Variants in VPS13C observed in about 807,000 individuals in gnomAD.
VPS13C encodes intermembrane lipid transfer protein VPS13C.
VPS13C carries 358 observed loss-of-function variants against 456.8 expected under a neutral mutation model. That is an observed-to-expected ratio of 0.78 (90% CI 0.72 to 0.86). The LOEUF is 0.86. Among genes scored for constraint, VPS13C ranks in the 40% least tolerant of loss-of-function variants. VPS13C has a pLI of 0.00. For missense variants in VPS13C, 4,818 were observed against 4,385.4 expected (o/e 1.10, Z -2.79); for synonymous variants, 1,578 against 1,486.7 (o/e 1.06, Z -1.41).
intron 59 of VPS13C, 33 bp from the exon 60 acceptor site, chr15:61,917,668 T>C: frequency 2.5e-6 from 4 of 1,590,456 alleles, no homozygotes; most frequent in East Asian, 2.2e-5. Flanking sequence ...CAATAAAGTT[T>C]TGATCCACAA....
At position 61,967,444 on chromosome 15, in the gene VPS13C, G is replaced by C. The variant is rs758825060; in HGVS notation, c.2915C>G (p.Ser972Cys). The change falls in exon 29 of 85, where the codon TCC becomes TGC. Residue 972 changes from serine to cysteine, a missense_variant. Physicochemically the swap from Ser to Cys is moderately radical, Grantham distance 112. Around this residue, in one of 3 missense-constraint regions of VPS13C, gnomAD observed 4,552 missense variants for 4,130.6 expected, o/e 1.10. Coordinates refer to ENST00000644861, the MANE Select transcript of VPS13C (RefSeq NM_020821.3). ...AATCAAGTGAAGGGGCTTCCTTTTG[G>C]ATCCTAGATTAAAGAAAAAGGAAAA... ...ISLDYHEIEG[S>C]KRKPLHLISS... is the part of the protein sequence containing the mutation. The C allele has an allele frequency of 3.2e-6, 5 of 1,585,938 alleles. No individual in the cohort carries two copies. The African/African-American group carries it at 5.5e-5, about 18-fold the overall frequency.
intron 10 of VPS13C, among the ~76,000 whole-genome samples, chr15:62,013,627 A>C (rs1248123438): frequency 6.6e-6 from 1 of 152,058 alleles, no homozygotes; most frequent in Non-Finnish European, 1.5e-5. Context: ...TTAGTACTTT[A>C]ATCAATAATC....
In VPS13C at chr15:61,916,030, C is replaced by T. The variant is rs918129077; in HGVS notation, c.8056-8G>A. The T allele has an allele frequency of 6.5e-7, 1 of 1,541,276 alleles. No individual in the cohort carries two copies. Among genetic ancestry groups the T allele is most frequent in the Non-Finnish European group, 8.7e-7 (1 of 1,145,562 alleles). On this transcript the variant is annotated splice_polypyrimidine_tract_variant and splice_region_variant and intron_variant, in intron 60 of 84. Coordinates refer to ENST00000644861, the MANE Select transcript of VPS13C (RefSeq NM_020821.3). ...ATGAGTTTCTGCTGTTCCCTAAAAA[C>T]AAACAAAAATTCGCTGAGTAACTTT... is the stretch of plus-strand genomic sequence containing the variant.
chr15:62,016,265 T>A (rs2047243478), intron 9 of VPS13C, among the ~76,000 whole-genome samples: 1 of 150,124 alleles, frequency 6.7e-6, no homozygotes, highest in South Asian at 2.1e-4. Context: ...TAACTTTATT[T>A]TATATATATA....
At chr15:62,003,036 GT>G (rs1188365948) in intron 15 of VPS13C, among the ~76,000 whole-genome samples, 1 of 152,110 alleles carries the variant, frequency 6.6e-6, no homozygotes, top group East Asian at 1.9e-4. Flanking sequence ...CTTTAAAGTA[GT>G]TTTTTCCAAT....
intron 41 of VPS13C, 55 bp from the exon 42 acceptor site, chr15:61,949,660 T>A: frequency 6.5e-7 from 1 of 1,542,404 alleles, no homozygotes; most frequent in Non-Finnish European, 8.7e-7. Context: ...AATCTTTACA[T>A]CAGGGTTCAA....
At chr15:61,982,631 A>G in intron 20 of VPS13C, 58 bp from the exon 21 acceptor site, 1 of 1,253,488 alleles carries the variant, frequency 8.0e-7, no homozygotes, top group South Asian at 1.4e-5. Context: ...CATATTGTAA[A>G]CTTCAAAGTT....
At chr15:62,031,774 C>A (rs1484028871) in intron 5 of VPS13C, among the ~76,000 whole-genome samples, 1 of 151,898 alleles carries the variant, frequency 6.6e-6, no homozygotes, top group Non-Finnish European at 1.5e-5. Context: ...TCCTTTATAT[C>A]AAACCATTCA....
At position 61,915,426 on chromosome 15, in the gene VPS13C, G is replaced by A. The variant is rs548456223; in HGVS notation, c.8445+207C>T. 2.6e-5 allele frequency among the ~76,000 whole-genome samples: 4 copies of A among 152,160 alleles called. No homozygotes were observed. In the South Asian group the frequency reaches 6.2e-4, roughly 24 times the overall value. Reference sequence around the variant, plus strand: ...CTTCAAGAACAGAGGTAACTCTATAGGCATTGGAGAAAAGGGCAACTCATA... The same window carrying A: ...CTTCAAGAACAGAGGTAACTCTATAAGCATTGGAGAAAAGGGCAACTCATA... On this transcript the variant is annotated intron_variant, in intron 61 of 84. Coordinates refer to ENST00000644861, the MANE Select transcript of VPS13C (RefSeq NM_020821.3).
intron 66 of VPS13C, among the ~76,000 whole-genome samples, chr15:61,903,792 A>G (rs1390226867): frequency 6.6e-6 from 1 of 152,138 alleles, no homozygotes; most frequent in Non-Finnish European, 1.5e-5. Context: ...AAAACAGACC[A>G]ATGGAACAAA....
At chr15:62,018,636 C>T (rs2047344588) in intron 9 of VPS13C, among the ~76,000 whole-genome samples, 1 of 151,708 alleles carries the variant, frequency 6.6e-6, no homozygotes, top group Non-Finnish European at 1.5e-5. Flanking sequence ...AGGGATGAAG[C>T]CTTCTTGTCC....
At chr15:61,893,593 C>T (rs1053801175) in intron 66 of VPS13C, among the ~76,000 whole-genome samples, 4 of 149,984 alleles carry the variant, frequency 2.7e-5, no homozygotes, top group East Asian at 1.9e-4. Context: ...AATAATCTAA[C>T]ACCATAATTG....
intron 82 of VPS13C, among the ~76,000 whole-genome samples, chr15:61,860,953 CTTT>C (rs781045840): frequency 2.2e-5 from 2 of 89,698 alleles, no homozygotes; most frequent in African/African-American, 4.2e-5. Flanking sequence ...TATTTTCTTT[CTTT>C]TTTTTTTTTT....
rs762410291 is a variant in VPS13C at position 62,041,350 on chromosome 15, G to C, written c.161C>G (p.Pro54Arg). The change falls in exon 3 of 85, where the codon CCT (proline) becomes CGT (arginine). Residue 54 changes from proline to arginine, a missense_variant. Physicochemically the swap from Pro to Arg is moderately radical, Grantham distance 103. Transcript: ENST00000644861. Reference protein sequence around the residue: ...KENALSELDVPFKVKAGQIDK... With the variant: ...KENALSELDVRFKVKAGQIDK... ...AATTTGGCCAGCCTTGACTTTAAAA[G>C]GAACATCCAATTCACTCTTCAGAAG... The C allele has an allele frequency of 1.5e-5, 24 of 1,606,398 alleles. No individual in the cohort carries two copies. Among genetic ancestry groups the C allele is most frequent in the Non-Finnish European group, 2.0e-5 (23 of 1,178,178 alleles).
At chr15:62,005,876 G>C (rs183928465) in intron 15 of VPS13C, among the ~76,000 whole-genome samples, 2 of 150,946 alleles carry the variant, frequency 1.3e-5, no homozygotes, top group African/African-American at 4.9e-5. Flanking sequence ...CTAATTTTTT[G>C]TATTTTTAGT....
At chr15:61,919,976 T>C (rs2043596708) in intron 57 of VPS13C, 91 bp downstream of exon 57, 2 of 1,266,010 alleles carry the variant, frequency 1.6e-6, no homozygotes, top group Admixed American at 2.6e-5. Flanking sequence ...TCTCCAGATA[T>C]CTGCAGCAAA....
intron 16 of VPS13C, among the ~76,000 whole-genome samples, chr15:61,993,954 CAAAGCATATAT>C (rs1315756465): frequency 6.6e-6 from 1 of 151,444 alleles, no homozygotes. Flanking sequence ...ATAGTTATTT[CAAAGCATATAT>C]ATATATATAT....
intron 57 of VPS13C, among the ~76,000 whole-genome samples, chr15:61,919,813 T>A (rs1057284712): frequency 4.1e-5 from 6 of 147,696 alleles, no homozygotes; most frequent in Non-Finnish European, 9.0e-5. Flanking sequence ...ATTATATATA[T>A]AATATTTATA....
At chr15:61,889,874 A>AACAC (rs10689074) in intron 67 of VPS13C, among the ~76,000 whole-genome samples, 13 of 150,654 alleles carry the variant, frequency 8.6e-5, no homozygotes, top group South Asian at 2.1e-4. Context: ...TAACTCATTA[A>AACAC]ACACACACAC....
Sources: gnomAD v4.1 joint callset for allele counts (sites outside exome capture counted in the v4.1 genomes callset) on GRCh38, gnomAD v4.1.1 for gene constraint, gnomAD v4.1.1 regional missense constraint, MANE v1.5 for transcripts, NCBI Gene and HGNC (gene_info 2026-07-23, HGNC 2026-07-21) for gene names.